FBXL17: variants seen among roughly 807,000 people sequenced by gnomAD.
The protein encoded by FBXL17 is F-box and leucine rich repeat protein 17, also known as F-box/LRR-repeat protein 17.
In FBXL17, 22 loss-of-function variants were observed where a neutral mutation model predicts 66.2. The observed-to-expected ratio is 0.33, with a 90% CI of 0.24 to 0.47. The LOEUF (loss-of-function observed/expected upper bound fraction) is 0.47. Ranked by LOEUF, FBXL17 falls within the 20% of genes least tolerant of loss-of-function variation. The pLI, the probability that FBXL17 is intolerant of heterozygous loss-of-function variation, is 1.00. For synonymous variants in FBXL17, 474 were observed against 400.5 expected, an observed-to-expected ratio of 1.18 and a Z score of -2.19; for missense variants, 878 against 948.2, an observed-to-expected ratio of 0.93 and a Z score of 0.97.
intron 6 of FBXL17, among the ~76,000 whole-genome samples, chr5:108,093,201 TA>T (rs1203902286): frequency 2.0e-5 from 3 of 152,034 alleles, no homozygotes; most frequent in African/African-American, 7.2e-5. Context: ...AGTTTACTAT[TA>T]AAAAATGCCA....
intron 7 of FBXL17, among the ~76,000 whole-genome samples, chr5:107,975,567 T>A (rs964230363): frequency 6.6e-6 from 1 of 152,212 alleles, no homozygotes; most frequent in Non-Finnish European, 1.5e-5. Flanking sequence ...TTTTAAAATG[T>A]GTTTTGGCAC....
chr5:108,247,317 A>G (rs1292250381), intron 4 of FBXL17, among the ~76,000 whole-genome samples: 1 of 152,052 alleles, frequency 6.6e-6, no homozygotes, highest in East Asian at 1.9e-4. Flanking sequence ...TGAGGTAGGG[A>G]CCATTGTAAA....
At chr5:108,229,527 A>G (rs1755237443) in intron 4 of FBXL17, among the ~76,000 whole-genome samples, 1 of 152,206 alleles carries the variant, frequency 6.6e-6, no homozygotes, top group African/African-American at 2.4e-5. Flanking sequence ...TAGGAGAATG[A>G]AACTGGATCC....
chr5:107,959,969 G>A (rs1002345251), intron 7 of FBXL17, among the ~76,000 whole-genome samples: 1 of 152,086 alleles, frequency 6.6e-6, no homozygotes, highest in Non-Finnish European at 1.5e-5. Context: ...ATTAATCTAC[G>A]TACTTTCCTT....
At chr5:108,108,079 G>A (rs577405976) in intron 6 of FBXL17, among the ~76,000 whole-genome samples, 3 of 151,970 alleles carry the variant, frequency 2.0e-5, no homozygotes, top group Admixed American at 6.6e-5. Flanking sequence ...GACTTTGTAC[G>A]TACTGTTTAC....
chr5:108,033,968 A>C (rs1746742173), intron 6 of FBXL17, among the ~76,000 whole-genome samples: 1 of 152,226 alleles, frequency 6.6e-6, no homozygotes, highest in Non-Finnish European at 1.5e-5. Flanking sequence ...AAAGTGTACA[A>C]GACATAAAAA....
intron 4 of FBXL17, among the ~76,000 whole-genome samples, chr5:108,270,306 A>C (rs1212156480): frequency 6.6e-6 from 1 of 151,910 alleles, no homozygotes; most frequent in African/African-American, 2.4e-5. Context: ...AATCCATTCC[A>C]CTCATAGGTT....
chr5:108,009,286 T>TAGATAGATATATATATATAG lies in FBXL17; in HGVS notation c.1822+11638_1822+11639insCTATATATATATATCTATCT, dbSNP rs1172522525. Among the ~76,000 whole-genome samples, 4 of 53,790 alleles carry TAGATAGATATATATATATAG rather than the reference T, an allele frequency of 7.4e-5. 1 individual carries two copies. The highest frequency in any genetic ancestry group is 3.7e-4 in the African/African-American group (3 of 8,154). The allele number at this position is 53,790 out of a possible 152,430, so 35.3% of individuals were successfully genotyped here. A position where few individuals can be genotyped will look rare whatever the true frequency, so the allele number is the denominator to read the frequency against. On this transcript the variant is annotated intron_variant, in intron 7 of 8. Transcript: ENST00000542267. ...TTATATATATATATATATATATATA[T>TAGATAGATATATATATATAG]ATATATATATATATACATATATACA...
chr5:108,019,309 C>T (rs1754498547), intron 7 of FBXL17, among the ~76,000 whole-genome samples: 1 of 152,080 alleles, frequency 6.6e-6, no homozygotes, highest in African/African-American at 2.4e-5. Flanking sequence ...AGCTTTTTAC[C>T]TTCTCAATTA....
rs532333774 is a variant in FBXL17, at chr5:108,030,902, G to A, written c.1746-9901C>T. 3.3e-5 allele frequency among the ~76,000 whole-genome samples: 5 copies of A among 152,198 alleles called. No individual in the cohort carries two copies. The South Asian group carries it at 1.0e-3, about 32-fold the overall frequency. Reference sequence around the variant, plus strand: ...GCATCATGAATTCCATCCTGGTAATGACAGAATTTTATAGAAAAAAATAAA... The same window carrying A: ...GCATCATGAATTCCATCCTGGTAATAACAGAATTTTATAGAAAAAAATAAA... On this transcript the variant is annotated intron_variant, in intron 6 of 8. Coordinates refer to ENST00000542267, the MANE Select transcript of FBXL17 (RefSeq NM_001163315.3).
At chr5:108,277,880 T>C (rs1580733034) in intron 4 of FBXL17, among the ~76,000 whole-genome samples, 1 of 152,326 alleles carries the variant, frequency 6.6e-6, no homozygotes, top group African/African-American at 2.4e-5. Flanking sequence ...AAAATGTATA[T>C]ACCTTAACTA....
chr5:108,110,143 C>T (rs1358725791), intron 6 of FBXL17, among the ~76,000 whole-genome samples: 1 of 152,032 alleles, frequency 6.6e-6, no homozygotes, highest in African/African-American at 2.4e-5. Context: ...GCAAAACTCT[C>T]ACTGTTCTGT....
intron 3 of FBXL17, among the ~76,000 whole-genome samples, chr5:108,349,437 A>T (rs1427170099): frequency 1.3e-5 from 2 of 152,170 alleles, no homozygotes; most frequent in Admixed American, 6.5e-5. Context: ...TAAGAAAAAA[A>T]AACTTCCAAG....
chr5:107,919,890 T>G (rs796921768), intron 7 of FBXL17, among the ~76,000 whole-genome samples: 7 of 152,288 alleles, frequency 4.6e-5, no homozygotes, highest in African/African-American at 1.7e-4. Context: ...AGGGCAAGAA[T>G]TTTTGCTTTT....
At chr5:108,143,497 A>G (rs1751439921) in intron 6 of FBXL17, among the ~76,000 whole-genome samples, 1 of 152,090 alleles carries the variant, frequency 6.6e-6, no homozygotes, top group Non-Finnish European at 1.5e-5. Flanking sequence ...TTTGGTCACA[A>G]TGGAACACTC....
chr5:107,976,963 T>C (rs909219137), intron 7 of FBXL17, among the ~76,000 whole-genome samples: 2 of 152,212 alleles, frequency 1.3e-5, no homozygotes, highest in African/African-American at 4.8e-5. Context: ...TCCAAGCTCA[T>C]ATATGATTGG....
chr5:108,126,713 AG>A (rs1224862954), intron 6 of FBXL17, among the ~76,000 whole-genome samples: 4 of 149,292 alleles, frequency 2.7e-5, no homozygotes, highest in Non-Finnish European at 1.5e-5. Flanking sequence ...AGTCAGCTAA[AG>A]GCCTATTTTC....
chr5:108,277,613 A>T (rs1305612593), intron 4 of FBXL17, among the ~76,000 whole-genome samples: 2 of 152,194 alleles, frequency 1.3e-5, no homozygotes, highest in East Asian at 3.9e-4. Context: ...GGTCATTCTG[A>T]AAAGAGCTTA....
intron 6 of FBXL17, among the ~76,000 whole-genome samples, chr5:108,087,729 T>C (rs959453724): frequency 3.3e-5 from 5 of 152,054 alleles, no homozygotes; most frequent in Admixed American, 6.5e-5. Flanking sequence ...TAAATACATA[T>C]GAGAAACCAC....
Sources: gnomAD v4.1 joint callset for allele counts (sites outside exome capture counted in the v4.1 genomes callset) on GRCh38, gnomAD v4.1.1 for gene constraint, MANE v1.5 for transcripts, NCBI Gene and HGNC (gene_info 2026-07-23, HGNC 2026-07-21) for gene names.